The following FAF1 variants were observed in gnomAD, a reference collection of about 807,000 sequenced individuals.
FAF1 encodes the protein FAS-associated factor 1.
A neutral mutation model predicts 92.5 loss-of-function variants in FAF1; 25 were observed. The observed-to-expected ratio is 0.27, with a 90% CI of 0.20 to 0.38. The LOEUF is 0.38. Ranked by LOEUF, FAF1 falls within the 10% of genes least tolerant of loss-of-function variation. The probability of loss-of-function intolerance (pLI) is 1.00; values close to 1 mark genes in which losing one functional copy is unlikely to be tolerated. For synonymous variants in FAF1, 234 were observed against 273.2 expected (o/e 0.86, Z 1.42); for missense variants, 636 against 793.3 (o/e 0.80, Z 2.38).
At chr1:50,594,413 T>C (rs906733167) in intron 9 of FAF1, among the ~76,000 whole-genome samples, 3 of 152,198 alleles carry the variant, frequency 2.0e-5, no homozygotes, top group South Asian at 2.1e-4. Flanking sequence ...GTGATGACTT[T>C]TCCTAGCACA....
intron 4 of FAF1, chr1:50,781,088 C>T (rs1016627316): frequency 7.9e-6 from 3 of 381,390 alleles, no homozygotes; most frequent in African/African-American, 6.3e-5. Flanking sequence ...TACCAGCTCT[C>T]ACACTCTCAG....
At chr1:50,859,352 A>G (rs1644414457) in intron 1 of FAF1, among the ~76,000 whole-genome samples, 1 of 151,908 alleles carries the variant, frequency 6.6e-6, no homozygotes, top group African/African-American at 2.4e-5. Context: ...ATGATTCTGT[A>G]TCTAGAAAAC....
intron 1 of FAF1, among the ~76,000 whole-genome samples, chr1:50,886,941 G>A (rs1644671120): frequency 6.6e-6 from 1 of 152,118 alleles, no homozygotes; most frequent in Non-Finnish European, 1.5e-5. Context: ...CTAGATCCTT[G>A]AGGAATCCCC....
Position 50,451,508 on chromosome 1 carries a change from C to T in FAF1, c.1870-9985G>A, listed in dbSNP as rs754293634. Among the ~76,000 whole-genome samples the T allele has an allele frequency of 5.2e-4, 79 of 152,314 alleles. No homozygotes were observed. In the Middle Eastern group the frequency reaches 0.01, roughly 20 times the overall value. The stretch of plus-strand genomic sequence containing the variant: ...GCAGAGCAAGGATTTAAAACTAGGT[C>T]TGACTTCAAATCTGTGTTCTTAACC... On this transcript the variant is annotated intron_variant, in intron 18 of 18. Coordinates refer to ENST00000396153, the MANE Select transcript of FAF1 (RefSeq NM_007051.3).
chr1:50,945,692 T>C (rs1411697252), intron 1 of FAF1, among the ~76,000 whole-genome samples: 1 of 152,208 alleles, frequency 6.6e-6, no homozygotes, highest in Non-Finnish European at 1.5e-5. Flanking sequence ...GTTTTCATAG[T>C]TCACAGCTTT....
chr1:50,762,966 A>G (rs1660390460), intron 4 of FAF1, among the ~76,000 whole-genome samples: 1 of 152,148 alleles, frequency 6.6e-6, no homozygotes, highest in Admixed American at 6.5e-5. Flanking sequence ...TTTAAAATAT[A>G]GAATGTAGGC....
Position 50,898,403 on chromosome 1 carries a change from T to C in FAF1, c.46-40406A>G, listed in dbSNP as rs76388126. The stretch of plus-strand genomic sequence containing the variant: ...AAGCTGATATCTATACCTATACAGA[T>C]AGACACATTAAATATTTACGTATAT... On this transcript the variant is annotated intron_variant, in intron 1 of 18. Transcript: ENST00000396153. Among the ~76,000 whole-genome samples the C allele has an allele frequency of 6.8e-4, 104 of 152,332 alleles. 1 individual carries two copies. In the East Asian group the frequency reaches 0.016, roughly 24 times the overall value.
intron 1 of FAF1, among the ~76,000 whole-genome samples, chr1:50,927,037 C>A (rs527408152): frequency 6.6e-6 from 1 of 152,080 alleles, no homozygotes; most frequent in African/African-American, 2.4e-5. Flanking sequence ...AATAATTCCA[C>A]GTCTATAAGT....
intron 6 of FAF1, among the ~76,000 whole-genome samples, chr1:50,716,502 C>G (rs1658179478): frequency 6.6e-6 from 1 of 152,154 alleles, no homozygotes; most frequent in South Asian, 2.1e-4. Context: ...TTCTGTCTAG[C>G]TAGAGGATTG....
chr1:50,887,603 C>T (rs563212271), intron 1 of FAF1, among the ~76,000 whole-genome samples: 4 of 152,284 alleles, frequency 2.6e-5, no homozygotes, highest in African/African-American at 4.8e-5. Flanking sequence ...TATGGCTAGC[C>T]GGTTTTCCCA....
chr1:50,615,261 C>G (rs1652858849), intron 8 of FAF1, among the ~76,000 whole-genome samples: 1 of 152,118 alleles, frequency 6.6e-6, no homozygotes, highest in South Asian at 2.1e-4. Flanking sequence ...GTATATGTAC[C>G]ACATTTTCTT....
chr1:50,553,577 T>TA (rs576395968), intron 13 of FAF1, among the ~76,000 whole-genome samples: 464 of 152,226 alleles, frequency 3.0e-3, no homozygotes, highest in Non-Finnish European at 5.4e-3. Flanking sequence ...AAGCCCACAA[T>TA]AAAATTTCAG....
At chr1:50,892,575 C>A (rs1426325227) in intron 1 of FAF1, among the ~76,000 whole-genome samples, 1 of 152,202 alleles carries the variant, frequency 6.6e-6, no homozygotes, top group Non-Finnish European at 1.5e-5. Flanking sequence ...CATGCTGGAG[C>A]TCCATTGTAT....
chr1:50,802,636 C>T (rs1451513155), intron 2 of FAF1, among the ~76,000 whole-genome samples: 2 of 152,132 alleles, frequency 1.3e-5, no homozygotes, highest in Non-Finnish European at 2.9e-5. Context: ...GCTGTCGAAT[C>T]CTGGAATGTA....
intron 8 of FAF1, among the ~76,000 whole-genome samples, chr1:50,605,619 T>C (rs1407495229): frequency 6.6e-6 from 1 of 152,156 alleles, no homozygotes; most frequent in African/African-American, 2.4e-5. Context: ...AAAATAGCCC[T>C]TCTTTCACAG....
At chr1:50,535,797 CA>C (rs1185684045) in intron 14 of FAF1, among the ~76,000 whole-genome samples, 1 of 152,160 alleles carries the variant, frequency 6.6e-6, no homozygotes, top group East Asian at 1.9e-4. Flanking sequence ...ACACTAGCAA[CA>C]ACTACCAATT....
intron 9 of FAF1, among the ~76,000 whole-genome samples, chr1:50,588,232 C>T (rs527284954): frequency 2.0e-5 from 3 of 152,134 alleles, no homozygotes; most frequent in East Asian, 1.9e-4. Context: ...AGTTGCAGTA[C>T]GTGCCACTAC....
chr1:50,787,557 A>G (rs1661406573), intron 4 of FAF1, among the ~76,000 whole-genome samples: 1 of 152,212 alleles, frequency 6.6e-6, no homozygotes, highest in African/African-American at 2.4e-5. Flanking sequence ...CCTTAATCTT[A>G]GACTTCTTAG....
intron 4 of FAF1, among the ~76,000 whole-genome samples, chr1:50,753,820 C>T (rs1241643618): frequency 3.4e-5 from 5 of 146,514 alleles, no homozygotes; most frequent in South Asian, 2.1e-4. Context: ...TGTAGTGGTG[C>T]GATCTCGGCT....
Sources: allele counts gnomAD v4.1 joint callset (sites outside exome capture counted in the v4.1 genomes callset), GRCh38; gene constraint gnomAD v4.1.1; transcripts MANE v1.5; gene names NCBI Gene and HGNC (gene_info 2026-07-23, HGNC 2026-07-21).